The following LRRTM4 variants were observed in gnomAD, a reference collection of about 807,000 sequenced individuals.
LRRTM4 encodes the protein leucine rich repeat transmembrane neuronal 4, also known as leucine-rich repeat transmembrane neuronal protein 4.
In LRRTM4, 25 loss-of-function variants were observed where a neutral mutation model predicts 47.6. That is an observed-to-expected ratio of 0.53 (90% CI 0.38 to 0.73). The LOEUF is 0.73. Among genes scored for constraint, LRRTM4 ranks in the 30% least tolerant of loss-of-function variants. The probability of loss-of-function intolerance (pLI) is 0.00; values close to 1 mark genes in which losing one functional copy is unlikely to be tolerated. For synonymous variants in LRRTM4, 311 were observed against 269.5 expected, an observed-to-expected ratio of 1.15 and a Z score of -1.51; for missense variants, 638 against 713.4, an observed-to-expected ratio of 0.89 and a Z score of 1.20.
intron 3 of LRRTM4, among the ~76,000 whole-genome samples, chr2:77,415,725 T>C (rs542289065): frequency 6.6e-6 from 1 of 152,228 alleles, no homozygotes; most frequent in East Asian, 1.9e-4. Context: ...TTCTAGCACC[T>C]TTCTCTTGTC....
At position 77,282,422 on chromosome 2, in the gene LRRTM4, C is replaced by T. The variant is rs140589864; in HGVS notation, c.1551+235896G>A. Reference sequence around the variant, plus strand: ...GACTTATTCTTTTCCCATTTGGACGCCTTTTATTTATTTATTTTTTTCTTT... The same window carrying T: ...GACTTATTCTTTTCCCATTTGGACGTCTTTTATTTATTTATTTTTTTCTTT... On this transcript the variant is annotated intron_variant, in intron 3 of 3. Transcript: ENST00000409884. 4.6e-3 allele frequency among the ~76,000 whole-genome samples: 704 copies of T among 151,678 alleles called. 4 individuals carry two copies. The highest frequency in any genetic ancestry group is 7.6e-3 in the Non-Finnish European group (517 of 67,780).
chr2:77,372,042 G>A (rs1162030202), intron 3 of LRRTM4, among the ~76,000 whole-genome samples: 1 of 151,686 alleles, frequency 6.6e-6, no homozygotes, highest in East Asian at 1.9e-4. Flanking sequence ...GATGCAAATG[G>A]TGCATGTGGT....
At chr2:76,895,455 C>T (rs1343606916) in intron 3 of LRRTM4, among the ~76,000 whole-genome samples, 1 of 152,062 alleles carries the variant, frequency 6.6e-6, no homozygotes, top group Non-Finnish European at 1.5e-5. Context: ...TTATATGATA[C>T]ATCAAGCTAA....
At chr2:77,205,074 T>C (rs1674082312) in intron 3 of LRRTM4, among the ~76,000 whole-genome samples, 1 of 152,204 alleles carries the variant, frequency 6.6e-6, no homozygotes, top group African/African-American at 2.4e-5. Context: ...ACTTATCCGT[T>C]GGAAGGGTAT....
At chr2:77,505,518 A>C (rs957416351) in intron 3 of LRRTM4, among the ~76,000 whole-genome samples, 2 of 151,544 alleles carry the variant, frequency 1.3e-5, no homozygotes, top group Non-Finnish European at 3.0e-5. Flanking sequence ...AGTTAGAAAC[A>C]AAAAAATTGC....
chr2:77,019,589 G>A (rs1184813373), intron 3 of LRRTM4, among the ~76,000 whole-genome samples: 1 of 152,084 alleles, frequency 6.6e-6, no homozygotes, highest in African/African-American at 2.4e-5. Flanking sequence ...CACAGTAATT[G>A]CTTAAAATGG....
chr2:77,023,391 G>C (rs550057391), intron 3 of LRRTM4, among the ~76,000 whole-genome samples: 15 of 152,298 alleles, frequency 9.8e-5, no homozygotes, highest in African/African-American at 3.4e-4. Context: ...TCAGCACTGT[G>C]TCACTTATGT....
intron 3 of LRRTM4, among the ~76,000 whole-genome samples, chr2:77,385,657 T>C (rs905455328): frequency 2.0e-5 from 3 of 151,868 alleles, no homozygotes; most frequent in African/African-American, 7.2e-5. Flanking sequence ...TTCACACCTG[T>C]TGTAATAAGT....
At chr2:76,905,039 G>A (rs900678532) in intron 3 of LRRTM4, among the ~76,000 whole-genome samples, 1 of 152,078 alleles carries the variant, frequency 6.6e-6, no homozygotes, top group African/African-American at 2.4e-5. Flanking sequence ...CAGGCAGACT[G>A]CCTCCTCAAG....
At chr2:77,077,048 T>G (rs1025902139) in intron 3 of LRRTM4, among the ~76,000 whole-genome samples, 3 of 152,188 alleles carry the variant, frequency 2.0e-5, no homozygotes, top group African/African-American at 7.2e-5. Context: ...AGCTTATTTG[T>G]TGATTAGTAC....
At position 77,408,596 on chromosome 2, in the gene LRRTM4, G is replaced by C. The variant is rs144950520; in HGVS notation, c.1551+109722C>G. Among the ~76,000 whole-genome samples the C allele has an allele frequency of 8.7e-4, 132 of 152,140 alleles. 1 individual carries two copies. Among genetic ancestry groups the C allele is most frequent in the African/African-American group, 3.0e-3 (124 of 41,488 alleles). Reference sequence around the variant, plus strand: ...TAAACATTAGTAATTACAGCAACTGGACCACTGACTGCTATGTTCATCCAC... The same window carrying C: ...TAAACATTAGTAATTACAGCAACTGCACCACTGACTGCTATGTTCATCCAC... On this transcript the variant is annotated intron_variant, in intron 3 of 3. Coordinates refer to ENST00000409884, the MANE Select transcript of LRRTM4 (RefSeq NM_001134745.3).
chr2:76,931,776 T>C (rs2103835735), intron 3 of LRRTM4, among the ~76,000 whole-genome samples: 1 of 152,288 alleles, frequency 6.6e-6, no homozygotes, highest in Middle Eastern at 3.4e-3. Context: ...AGCATAAAGC[T>C]GATATTTTGC....
intron 3 of LRRTM4, among the ~76,000 whole-genome samples, chr2:76,800,755 A>T (rs1351052738): frequency 9.4e-6 from 1 of 106,882 alleles, no homozygotes; most frequent in Non-Finnish European, 1.7e-5. Flanking sequence ...ACAAATTTAC[A>T]AGAAAAAAAC....
At chr2:77,069,099 G>T (rs1246406705) in intron 3 of LRRTM4, among the ~76,000 whole-genome samples, 1 of 152,060 alleles carries the variant, frequency 6.6e-6, no homozygotes, top group Non-Finnish European at 1.5e-5. Context: ...ATAAATACAT[G>T]GGTAAATCTC....
intron 3 of LRRTM4, among the ~76,000 whole-genome samples, chr2:77,312,761 A>G (rs1280704805): frequency 5.3e-5 from 8 of 151,498 alleles, no homozygotes; most frequent in Non-Finnish European, 7.4e-5. Context: ...TGAGTAAAAG[A>G]AAAAAAAAGC....
chr2:76,844,858 A>G (rs997834397), intron 3 of LRRTM4, among the ~76,000 whole-genome samples: 3 of 152,156 alleles, frequency 2.0e-5, no homozygotes, highest in African/African-American at 7.2e-5. Flanking sequence ...AGTCTTTTTA[A>G]AAAACAGAAT....
At position 77,085,694 on chromosome 2, in the gene LRRTM4, C is replaced by T. The variant is rs576137364; in HGVS notation, c.1552-336778G>A. Reference sequence around the variant, plus strand: ...AATGTGTCCGACTAAACAGAACAATCGAATCATTGTCTCTTTCAAAAGTGG... The same window carrying T: ...AATGTGTCCGACTAAACAGAACAATTGAATCATTGTCTCTTTCAAAAGTGG... On this transcript the variant is annotated intron_variant, in intron 3 of 3. Coordinates refer to ENST00000409884, the MANE Select transcript of LRRTM4 (RefSeq NM_001134745.3). 1.1e-4 allele frequency among the ~76,000 whole-genome samples: 16 copies of T among 152,192 alleles called. 2 individuals are homozygous for T. The South Asian group carries it at 2.7e-3, about 26-fold the overall frequency.
intron 3 of LRRTM4, among the ~76,000 whole-genome samples, chr2:77,291,038 A>T (rs1260242086): frequency 6.6e-6 from 1 of 152,050 alleles, no homozygotes; most frequent in East Asian, 1.9e-4. Flanking sequence ...ATTCTGTCCT[A>T]TTGAATAAGG....
chr2:76,826,329 G>A (rs1174804308), intron 3 of LRRTM4, among the ~76,000 whole-genome samples: 1 of 151,436 alleles, frequency 6.6e-6, no homozygotes, highest in Non-Finnish European at 1.5e-5. Context: ...AGAAACAGCT[G>A]GTTTTGAAGC....
Sources: allele counts gnomAD v4.1 joint callset (sites outside exome capture counted in the v4.1 genomes callset), GRCh38; gene constraint gnomAD v4.1.1; transcripts MANE v1.5; gene names NCBI Gene and HGNC (gene_info 2026-07-23, HGNC 2026-07-21).